PTPRD: variants seen among roughly 807,000 people sequenced by gnomAD.
PTPRD encodes the protein protein tyrosine phosphatase receptor type D.
A neutral mutation model predicts 214.5 loss-of-function variants in PTPRD; 34 were observed. The observed-to-expected ratio is 0.16, with a 90% confidence interval of 0.12 to 0.21. The LOEUF is 0.21. Among genes scored for constraint, PTPRD ranks in the 10% least tolerant of loss-of-function variants. PTPRD has a pLI of 1.00. For missense variants in PTPRD, 2,545 were observed against 2,398.7 expected (o/e 1.06, Z -1.27); for synonymous variants, 1,128 against 845.7 (o/e 1.33, Z -5.79).
rs139629233 is a variant in PTPRD, at chr9:8,685,405, G to A, written c.64+48375C>T. Among the ~76,000 whole-genome samples the A allele has an allele frequency of 6.3e-3, 954 of 152,228 alleles. 21 individuals carry two copies. Among genetic ancestry groups the A allele is most frequent in the Admixed American group, 0.043 (659 of 15,298 alleles). On this transcript the variant is annotated intron_variant, in intron 12 of 45. Coordinates refer to ENST00000381196, the MANE Select transcript of PTPRD (RefSeq NM_002839.4). ...GGTTCCAGGAACAAAACCAACAGAC[G>A]AGAGCTTAAAATATACACAGCCACA... is the stretch of plus-strand genomic sequence containing the variant.
At chr9:9,689,596 T>A (rs564754479) in intron 7 of PTPRD, among the ~76,000 whole-genome samples, 2 of 151,942 alleles carry the variant, frequency 1.3e-5, no homozygotes, top group South Asian at 4.1e-4. Flanking sequence ...TTTTTCTAAG[T>A]GTATTTTTTG....
chr9:8,421,022 C>T (rs1180602121), intron 35 of PTPRD, among the ~76,000 whole-genome samples: 1 of 152,066 alleles, frequency 6.6e-6, no homozygotes, highest in Non-Finnish European at 1.5e-5. Context: ...GAATTCTCCA[C>T]CTAGAAAGAG....
chr9:9,742,702 A>G (rs193221142), intron 6 of PTPRD, among the ~76,000 whole-genome samples: 17 of 152,214 alleles, frequency 1.1e-4, no homozygotes, highest in Admixed American at 9.8e-4. Context: ...TCAAATATGT[A>G]ACACAAGACT....
At chr9:8,952,775 T>C (rs2099109875) in intron 11 of PTPRD, among the ~76,000 whole-genome samples, 1 of 151,868 alleles carries the variant, frequency 6.6e-6, no homozygotes, top group African/African-American at 2.4e-5. Flanking sequence ...GATCATGTGG[T>C]AAAAAATAAT....
chr9:9,391,375 A>C (rs778781475), intron 9 of PTPRD, among the ~76,000 whole-genome samples: 1 of 152,216 alleles, frequency 6.6e-6, no homozygotes, highest in Non-Finnish European at 1.5e-5. Context: ...AATAAAAAAT[A>C]TAAGACTTGA....
intron 8 of PTPRD, among the ~76,000 whole-genome samples, chr9:9,448,910 C>T (rs2091314897): frequency 6.6e-6 from 1 of 151,962 alleles, no homozygotes; most frequent in Non-Finnish European, 1.5e-5. Context: ...CACTAAGAAG[C>T]CAGTGAAAAA....
In PTPRD at chr9:8,321,487, GTATATATATATATA is replaced by G. The variant is rs750825729; in HGVS notation, c.5535-1535_5535-1522del. Among the ~76,000 whole-genome samples, 89 of 44,550 alleles carry G rather than the reference GTATATATATATATA, an allele frequency of 2.0e-3. 4 individuals are homozygous for G. Among genetic ancestry groups the G allele is most frequent in the African/African-American group, 2.2e-3 (22 of 9,998 alleles). The allele number at this position is 44,550 out of a possible 152,430, so 29.2% of individuals were successfully genotyped here. A position where few individuals can be genotyped will look rare whatever the true frequency, so the allele number is the denominator to read the frequency against. On this transcript the variant is annotated intron_variant, in intron 44 of 45. Transcript: ENST00000381196. ...TGTGTGTGTGTGTGTGTGTGTGTGT[GTATATATATATATA>G]TATATATATATATATATATATATAT...
intron 9 of PTPRD, among the ~76,000 whole-genome samples, chr9:9,350,542 G>T (rs1448369546): frequency 6.6e-6 from 1 of 151,878 alleles, no homozygotes; most frequent in Non-Finnish European, 1.5e-5. Flanking sequence ...GTTTTCTTCT[G>T]CCAGATAAGG....
At chr9:9,215,341 A>G (rs189085898) in intron 9 of PTPRD, among the ~76,000 whole-genome samples, 1 of 152,298 alleles carries the variant, frequency 6.6e-6, no homozygotes, top group East Asian at 1.9e-4. Flanking sequence ...AGAGAACTGG[A>G]TTTGCCACTC....
chr9:8,687,670 T>C (rs2097710062), intron 12 of PTPRD, among the ~76,000 whole-genome samples: 1 of 152,040 alleles, frequency 6.6e-6, no homozygotes, highest in South Asian at 2.1e-4. Flanking sequence ...AAAGCAAATA[T>C]GTGGAATGGA....
At chr9:10,068,810 C>CT (rs2097934265) in intron 3 of PTPRD, among the ~76,000 whole-genome samples, 1 of 151,834 alleles carries the variant, frequency 6.6e-6, no homozygotes, top group African/African-American at 2.4e-5. Flanking sequence ...TATACTCTCC[C>CT]TTTTTTTCAC....
intron 39 of PTPRD, among the ~76,000 whole-genome samples, chr9:8,352,803 G>A (rs778575250): frequency 8.5e-5 from 13 of 152,068 alleles, no homozygotes; most frequent in Non-Finnish European, 1.9e-4. Context: ...GAGTTTTTTG[G>A]TTTTTCTTTT....
intron 2 of PTPRD, among the ~76,000 whole-genome samples, chr9:10,512,722 T>C (rs2048716495): frequency 6.6e-6 from 1 of 152,018 alleles, no homozygotes; most frequent in African/African-American, 2.4e-5. Flanking sequence ...GGTGAGGTTT[T>C]GGAGAAAAAT....
chr9:10,360,907 C>T (rs1598066090), intron 2 of PTPRD, among the ~76,000 whole-genome samples: 1 of 152,194 alleles, frequency 6.6e-6, no homozygotes, highest in East Asian at 2.0e-4. Context: ...TCGAGGCCAT[C>T]CTGGCTAACA....
At chr9:9,470,260 T>C (rs1407209856) in intron 8 of PTPRD, among the ~76,000 whole-genome samples, 1 of 152,196 alleles carries the variant, frequency 6.6e-6, no homozygotes, top group African/African-American at 2.4e-5. Context: ...AGCATTTTTG[T>C]AGATGTTTCT....
intron 9 of PTPRD, among the ~76,000 whole-genome samples, chr9:9,255,705 T>C (rs1023199003): frequency 6.6e-6 from 1 of 152,096 alleles, no homozygotes; most frequent in African/African-American, 2.4e-5. Flanking sequence ...TACAACCTTT[T>C]GTTGTAAAAG....
At chr9:8,557,451 T>TATAC (rs1554784323) in intron 14 of PTPRD, among the ~76,000 whole-genome samples, 15 of 135,352 alleles carry the variant, frequency 1.1e-4, no homozygotes, top group South Asian at 2.1e-4. Context: ...TATATATATA[T>TATAC]ATATATTTGG....
chr9:9,878,868 T>A (rs1156536062), intron 5 of PTPRD, among the ~76,000 whole-genome samples: 2 of 152,122 alleles, frequency 1.3e-5, no homozygotes, highest in Non-Finnish European at 2.9e-5. Flanking sequence ...TCCTTTACCT[T>A]CCTCCTTCCC....
chr9:10,541,907 T>G (rs903700513), intron 2 of PTPRD, among the ~76,000 whole-genome samples: 4 of 152,142 alleles, frequency 2.6e-5, no homozygotes, highest in Non-Finnish European at 5.9e-5. Context: ...TATTTGATTG[T>G]GTATTTTCCC....
Sources: gnomAD v4.1 joint callset for allele counts (sites outside exome capture counted in the v4.1 genomes callset) on GRCh38, gnomAD v4.1.1 for gene constraint, MANE v1.5 for transcripts, NCBI Gene and HGNC (gene_info 2026-07-23, HGNC 2026-07-21) for gene names.